USP53: variants seen among roughly 807,000 people sequenced by gnomAD.
USP53 encodes the protein ubiquitin specific peptidase 53.
In USP53, 71 loss-of-function variants were observed where a neutral mutation model predicts 94.9. The ratio of observed to expected loss-of-function variants is 0.75; its 90% CI spans 0.62 to 0.91. USP53 has a LOEUF of 0.91. USP53 is among the 40% of genes least tolerant of loss of function. USP53 has a pLI of 0.00. For synonymous variants in USP53, 375 were observed against 422.7 expected, an observed-to-expected ratio of 0.89 and a Z score of 1.39; for missense variants, 1,173 against 1,281.0, an observed-to-expected ratio of 0.92 and a Z score of 1.29.
At position 119,269,771 on chromosome 4, in the gene USP53, AACTT is replaced by A; in HGVS notation, c.1374_1377del (p.Leu458PhefsTer8). Reference sequence around the variant, plus strand: ...TGCTCTGAAAGCTATTGAACAGAAAAACTTACTTTCTTCACAAAGGAAAGATTTA... The same window carrying A: ...TGCTCTGAAAGCTATTGAACAGAAAAACTTTCTTCACAAAGGAAAGATTTA... On this transcript the variant is annotated frameshift_variant, in exon 15 of 19. Coordinates refer to ENST00000692078, the MANE Select transcript of USP53 (RefSeq NM_001371395.1). LOFTEE classifies it high-confidence loss of function. The A allele has an allele frequency of 1.3e-6, 2 of 1,517,284 alleles. No homozygotes were observed. The highest frequency in any genetic ancestry group is 1.8e-6 in the Non-Finnish European group (2 of 1,133,286). The allele number at this position is 1,517,284 out of a possible 1,614,324, so 94.0% of individuals were successfully genotyped here. A position where few individuals can be genotyped will look rare whatever the true frequency, so the allele number is the denominator to read the frequency against.
intron 17 of USP53, among the ~76,000 whole-genome samples, chr4:119,280,479 T>G (rs1753392461): frequency 6.6e-6 from 1 of 152,134 alleles, no homozygotes; most frequent in Non-Finnish European, 1.5e-5. Flanking sequence ...TTTATTTACC[T>G]CCTACCTTTT....
At position 119,248,811 on chromosome 4, in the gene USP53, G is replaced by A. The variant is rs1748587551; in HGVS notation, c.301G>A (p.Ala101Thr). ...ACTTCCCTCAGATAACATAAGGCATGCTCTTGCAGAAAGTTTCAAAGATGA... is the reference window on the plus strand; with the variant it reads ...ACTTCCCTCAGATAACATAAGGCATACTCTTGCAGAAAGTTTCAAAGATGA... ...KALPSDNIRH[A>T]LAESFKDEQR... The change falls in exon 7 of 19, where the codon GCT becomes ACT. Residue 101 changes from alanine to threonine, a missense_variant. Transcript: ENST00000692078. The A allele has an allele frequency of 6.2e-7, 1 of 1,614,118 alleles. No individual in the cohort carries two copies. The highest frequency in any genetic ancestry group is 8.5e-7 in the Non-Finnish European group (1 of 1,180,026).
At chr4:119,259,704 G>C (rs909798995) in intron 9 of USP53, 116 bp from the exon 10 acceptor site, 7 of 626,862 alleles carry the variant, frequency 1.1e-5, no homozygotes, top group Non-Finnish European at 1.3e-5. Flanking sequence ...TTTCAGTCAT[G>C]GTCATGTTTT....
rs1755138029 is a variant in USP53 at position 119,295,131 on chromosome 4, ATT to A, written c.*1922_*1923del. On this transcript the variant is annotated 3_prime_UTR_variant, in exon 19 of 19. Transcript: ENST00000692078. ...TTTGTATTTAACAGCAGTCTCAGACATTTGTCTTTTCAACTCAGTTGAGTTGT... is the reference window on the plus strand; with the variant it reads ...TTTGTATTTAACAGCAGTCTCAGACATGTCTTTTCAACTCAGTTGAGTTGT... 1 of 152,226 alleles carries A rather than the reference ATT, an allele frequency of 6.6e-6. No individual in the cohort carries two copies. Among genetic ancestry groups the A allele is most frequent in the East Asian group, 1.9e-4 (1 of 5,186 alleles). The allele number at this position is 152,226 out of a possible 1,614,324, so 9.4% of individuals were successfully genotyped here. A position where few individuals can be genotyped will look rare whatever the true frequency, so the allele number is the denominator to read the frequency against.
At chr4:119,225,673 G>C (rs923184693) in intron 3 of USP53, among the ~76,000 whole-genome samples, 7 of 151,800 alleles carry the variant, frequency 4.6e-5, no homozygotes, top group Non-Finnish European at 1.0e-4. Context: ...GTGAACCCGG[G>C]AGGTGGAGTG....
chr4:119,291,046 A>G, intron 17 of USP53, 119 bp from the exon 18 acceptor site: 1 of 508,714 alleles, frequency 2.0e-6, no homozygotes, highest in Non-Finnish European at 3.4e-6. Flanking sequence ...ATTGGAAGAG[A>G]TTACCTTTTA....
At chr4:119,217,344 A>G (rs1743938160) in intron 2 of USP53, among the ~76,000 whole-genome samples, 1 of 152,168 alleles carries the variant, frequency 6.6e-6, no homozygotes, top group African/African-American at 2.4e-5. Flanking sequence ...GGCATGAGAT[A>G]ATGCTCCTCC....
intron 5 of USP53, 109 bp downstream of exon 5, chr4:119,240,012 G>A (rs1184127951): frequency 8.9e-7 from 1 of 1,129,662 alleles, no homozygotes; most frequent in Non-Finnish European, 1.1e-6. Context: ...AGACTAGAAT[G>A]ACTTTTTAAT....
At chr4:119,284,845 C>G (rs1396883365) in intron 17 of USP53, among the ~76,000 whole-genome samples, 1 of 151,856 alleles carries the variant, frequency 6.6e-6, no homozygotes, top group Non-Finnish European at 1.5e-5. Flanking sequence ...TTGCAAAGTT[C>G]TTAGAGCAAT....
At chr4:119,247,653 T>C (rs555064059) in intron 6 of USP53, among the ~76,000 whole-genome samples, 1 of 152,328 alleles carries the variant, frequency 6.6e-6, no homozygotes, top group African/African-American at 2.4e-5. Flanking sequence ...CATCCATTTT[T>C]CTAGGGTAGA....
intron 3 of USP53, among the ~76,000 whole-genome samples, chr4:119,231,033 C>T (rs1362121913): frequency 6.6e-6 from 1 of 152,134 alleles, no homozygotes; most frequent in African/African-American, 2.4e-5. Context: ...TTGTATTTCA[C>T]TGACCACCTA....
intron 17 of USP53, among the ~76,000 whole-genome samples, chr4:119,276,311 A>G (rs1388962569): frequency 2.0e-5 from 3 of 150,784 alleles, no homozygotes; most frequent in Non-Finnish European, 3.0e-5. Context: ...AGCATGAAGC[A>G]TTGTTGAATT....
chr4:119,290,150 T>TA (rs1754580320), intron 17 of USP53, among the ~76,000 whole-genome samples: 1 of 152,162 alleles, frequency 6.6e-6, no homozygotes, highest in African/African-American at 2.4e-5. Flanking sequence ...TGCTGTATTT[T>TA]ATGTGGTGCC....
chr4:119,260,759 T>C, intron 11 of USP53, 106 bp downstream of exon 11: 1 of 1,320,240 alleles, frequency 7.6e-7, no homozygotes, highest in Admixed American at 2.0e-5. Flanking sequence ...TCAGGCTAAC[T>C]GGAATGCCTT....
chr4:119,213,641 G>GATAGATATATATATAT (rs1553961988), intron 1 of USP53, among the ~76,000 whole-genome samples: 2 of 108,114 alleles, frequency 1.8e-5, no homozygotes, highest in African/African-American at 8.4e-5. Flanking sequence ...TCTGGAAATA[G>GATAGATATATATATAT]ATATATATAT....
chr4:119,289,623 C>T (rs946169098), intron 17 of USP53, among the ~76,000 whole-genome samples: 2 of 152,116 alleles, frequency 1.3e-5, no homozygotes, highest in South Asian at 2.1e-4. Flanking sequence ...CTCATTTCTA[C>T]GATAAGTGGG....
chr4:119,280,208 A>G (rs1447002786), intron 17 of USP53, among the ~76,000 whole-genome samples: 3 of 151,066 alleles, frequency 2.0e-5, no homozygotes, highest in African/African-American at 7.3e-5. Context: ...TTTGATTTAG[A>G]TGATGAAGTC....
chr4:119,268,415 G>T lies in USP53; in HGVS notation c.1283G>T (p.Gly428Val), dbSNP rs961363274. 2.5e-6 allele frequency: 4 copies of T among 1,606,238 alleles called. No homozygotes were observed. In the African/African-American group the frequency reaches 5.4e-5, roughly 22 times the overall value. Residue 428 changes from glycine to valine, a missense_variant, in exon 14 of 19, where the codon GGA becomes GTA. Gly to Val is a moderately radical substitution (Grantham distance 109). Coordinates refer to ENST00000692078, the MANE Select transcript of USP53 (RefSeq NM_001371395.1). ...RSHSHTGVGK[G>V]PAKLSHIDQR... ...CACAGTCACACAGGTGTAGGGAAAG[G>T]ACCAGGTATGTGTTTAAATTGTCAT... is the stretch of plus-strand genomic sequence containing the variant.
intron 17 of USP53, among the ~76,000 whole-genome samples, chr4:119,287,864 A>G (rs1286239365): frequency 2.6e-5 from 4 of 152,174 alleles, no homozygotes; most frequent in Admixed American, 1.3e-4. Flanking sequence ...CTTTGGAGTG[A>G]ACCCTGGATT....
Sources: allele counts gnomAD v4.1 joint callset (sites outside exome capture counted in the v4.1 genomes callset), GRCh38; gene constraint gnomAD v4.1.1; transcripts MANE v1.5; gene names NCBI Gene and HGNC (gene_info 2026-07-23, HGNC 2026-07-21).